The following KCTD16 variants were observed in gnomAD, a reference collection of about 807,000 sequenced individuals.
The protein encoded by KCTD16 is BTB/POZ domain-containing protein KCTD16.
In KCTD16, 13 loss-of-function variants were observed where a neutral mutation model predicts 33.2. That is an observed-to-expected ratio of 0.39 (90% CI 0.25 to 0.62). KCTD16 has a LOEUF of 0.62. Ranked by LOEUF, KCTD16 falls within the 20% of genes least tolerant of loss-of-function variation. KCTD16 has a pLI of 0.50. For synonymous variants in KCTD16, 197 were observed against 195.3 expected (o/e 1.01, Z -0.07); for missense variants, 441 against 525.1 (o/e 0.84, Z 1.57).
intron 3 of KCTD16, among the ~76,000 whole-genome samples, chr5:144,450,336 T>C (rs958360978): frequency 1.2e-4 from 18 of 152,074 alleles, no homozygotes; most frequent in African/African-American, 4.3e-4. Context: ...GGAACCCTTT[T>C]ACACTGTTGG....
At chr5:144,281,399 T>A (rs1755605927) in intron 3 of KCTD16, among the ~76,000 whole-genome samples, 1 of 152,222 alleles carries the variant, frequency 6.6e-6, no homozygotes, top group South Asian at 2.1e-4. Flanking sequence ...TCTGTTCATT[T>A]TCATTCAATT....
chr5:144,468,471 C>T (rs1754397542), intron 3 of KCTD16, among the ~76,000 whole-genome samples: 1 of 152,222 alleles, frequency 6.6e-6, no homozygotes, highest in African/African-American at 2.4e-5. Flanking sequence ...CCTCCAAGAC[C>T]AACTGCTCAT....
At chr5:144,245,199 G>T (rs1018460154) in intron 3 of KCTD16, among the ~76,000 whole-genome samples, 2 of 152,132 alleles carry the variant, frequency 1.3e-5, no homozygotes, top group Admixed American at 6.5e-5. Context: ...TTGTCTTAAA[G>T]AAGCATACAG....
Position 144,407,644 on chromosome 5 carries a change from G to C in KCTD16, c.833-66016G>C, listed in dbSNP as rs1340649198. ...GCTGCACCCATCAACCTTTCATCTA[G>C]GTTTTAAGCCCCACATGCATTAAGT... On this transcript the variant is annotated intron_variant, in intron 3 of 3. Coordinates refer to ENST00000512467, the MANE Select transcript of KCTD16 (RefSeq NM_020768.4). Among the ~76,000 whole-genome samples the C allele has an allele frequency of 2.0e-5, 3 of 152,068 alleles. No individual in the cohort carries two copies. The East Asian group carries it at 5.8e-4, about 29-fold the overall frequency.
At chr5:144,359,265 T>C (rs990292201) in intron 3 of KCTD16, among the ~76,000 whole-genome samples, 3 of 152,192 alleles carry the variant, frequency 2.0e-5, no homozygotes, top group Admixed American at 2.0e-4. Flanking sequence ...TTATAAACAC[T>C]TCAGAATGTT....
intron 3 of KCTD16, among the ~76,000 whole-genome samples, chr5:144,365,300 A>G (rs966672344): frequency 3.9e-5 from 6 of 152,144 alleles, no homozygotes; most frequent in African/African-American, 1.2e-4. Context: ...ATTCATTTAT[A>G]CAGTCAAGTC....
intron 3 of KCTD16, among the ~76,000 whole-genome samples, chr5:144,402,944 AT>A (rs1312624731): frequency 3.3e-5 from 5 of 152,056 alleles, no homozygotes; most frequent in Non-Finnish European, 7.4e-5. Context: ...AACAGGGCTG[AT>A]TTTTTCTGGA....
intron 3 of KCTD16, among the ~76,000 whole-genome samples, chr5:144,282,642 G>A (rs1755637153): frequency 6.6e-6 from 1 of 152,184 alleles, no homozygotes; most frequent in South Asian, 2.1e-4. Context: ...AGTGTTTAGT[G>A]TTGTGTTGAG....
chr5:144,238,004 T>G (rs909889864), intron 3 of KCTD16, among the ~76,000 whole-genome samples: 1 of 152,200 alleles, frequency 6.6e-6, no homozygotes, highest in Non-Finnish European at 1.5e-5. Flanking sequence ...CATCAGACAC[T>G]ATTACTAGTG....
chr5:144,173,207 T>A (rs1031961246), intron 1 of KCTD16, among the ~76,000 whole-genome samples: 1 of 152,166 alleles, frequency 6.6e-6, no homozygotes, highest in Admixed American at 6.5e-5. Context: ...CTATTCACAG[T>A]AGCAAAGACA....
chr5:144,409,890 G>A (rs1278560743), intron 3 of KCTD16, among the ~76,000 whole-genome samples: 1 of 152,172 alleles, frequency 6.6e-6, no homozygotes, highest in Non-Finnish European at 1.5e-5. Context: ...AAGTACTATG[G>A]TGGGGGAGTT....
chr5:144,324,066 T>C (rs960964), intron 3 of KCTD16, among the ~76,000 whole-genome samples: 50,692 of 151,986 alleles, frequency 0.33, 9,114 homozygotes, highest in African/African-American at 0.47. Flanking sequence ...TTGTTTTTCA[T>C]TTGCTTCCAA....
intron 3 of KCTD16, among the ~76,000 whole-genome samples, chr5:144,268,286 G>T (rs564288959): frequency 1.8e-4 from 27 of 152,158 alleles, no homozygotes; most frequent in Non-Finnish European, 3.1e-4. Context: ...GGCCACAGAG[G>T]TATAGGCAGC....
chr5:144,178,126 T>C (rs1392720572), intron 2 of KCTD16, among the ~76,000 whole-genome samples: 1 of 152,226 alleles, frequency 6.6e-6, no homozygotes, highest in Admixed American at 6.5e-5. Flanking sequence ...GGAATATTTT[T>C]CATCAGACTT....
chr5:144,321,083 G>T (rs1752061483), intron 3 of KCTD16, among the ~76,000 whole-genome samples: 1 of 152,110 alleles, frequency 6.6e-6, no homozygotes, highest in Non-Finnish European at 1.5e-5. Flanking sequence ...TTGAACTCCT[G>T]ACTTCAAGTG....
intron 3 of KCTD16, among the ~76,000 whole-genome samples, chr5:144,301,039 G>A (rs757498589): frequency 9.9e-5 from 15 of 151,996 alleles, no homozygotes; most frequent in Non-Finnish European, 1.9e-4. Flanking sequence ...TCAAGAGATC[G>A]AGACCATCCA....
At chr5:144,410,461 T>A (rs2126953385) in intron 3 of KCTD16, among the ~76,000 whole-genome samples, 1 of 152,356 alleles carries the variant, frequency 6.6e-6, no homozygotes. Flanking sequence ...TTCTGAGGAC[T>A]ACTTGCAGGG....
chr5:144,319,988 A>G (rs1470677355), intron 3 of KCTD16, among the ~76,000 whole-genome samples: 2 of 152,178 alleles, frequency 1.3e-5, no homozygotes, highest in African/African-American at 4.8e-5. Context: ...ATTCAACTTG[A>G]CTGAAAGCTC....
chr5:144,187,815 A>T (rs1752759272), intron 2 of KCTD16, among the ~76,000 whole-genome samples: 1 of 152,234 alleles, frequency 6.6e-6, no homozygotes, highest in Non-Finnish European at 1.5e-5. Context: ...GTTTGAGGAA[A>T]GAAGGCTATT....
Sources: allele counts gnomAD v4.1 joint callset (sites outside exome capture counted in the v4.1 genomes callset), GRCh38; gene constraint gnomAD v4.1.1; transcripts MANE v1.5; gene names NCBI Gene and HGNC (gene_info 2026-07-23, HGNC 2026-07-21).